FOXK2: variants seen among roughly 807,000 people sequenced by gnomAD.
FOXK2 encodes forkhead box K2.
A neutral mutation model predicts 53.3 loss-of-function variants in FOXK2; 24 were observed. That is an observed-to-expected ratio of 0.45 (90% CI 0.33 to 0.63). The LOEUF (loss-of-function observed/expected upper bound fraction) is 0.63, where lower values mean the gene tolerates loss of function less well. Ranked by LOEUF, FOXK2 falls within the 30% of genes least tolerant of loss-of-function variation. The pLI, the probability that FOXK2 is intolerant of heterozygous loss-of-function variation, is 0.03. For synonymous variants in FOXK2, 505 were observed against 407.1 expected (o/e 1.24, Z -2.89); for missense variants, 952 against 910.5 (o/e 1.05, Z -0.59).
rs368914413 is a variant in FOXK2, at chr17:82,596,859, G to C, written c.1787-4444G>C. On this transcript the variant is annotated intron_variant, in intron 8 of 8. Coordinates refer to ENST00000335255, the MANE Select transcript of FOXK2 (RefSeq NM_004514.4). The stretch of plus-strand genomic sequence containing the variant: ...CCTCCCCATCTTCTCACCTACTTCA[G>C]GTTCCATTTCATGGTAGGAAATTCC... Among the ~76,000 whole-genome samples, 8 of 152,302 alleles carry C rather than the reference G, an allele frequency of 5.3e-5. No homozygotes were observed. The East Asian group carries it at 1.2e-3, about 22-fold the overall frequency.
At chr17:82,563,259 T>C (rs4789796) in intron 1 of FOXK2, 95 bp from the exon 2 acceptor site, 537,524 of 1,194,774 alleles carry the variant, frequency 0.45, 121,323 homozygotes, top group South Asian at 0.55. Flanking sequence ...GCATCCATGT[T>C]CTCAGCTGCT....
At chr17:82,574,039 C>T (rs192232192) in intron 4 of FOXK2, among the ~76,000 whole-genome samples, 4 of 152,372 alleles carry the variant, frequency 2.6e-5, no homozygotes, top group South Asian at 2.1e-4. Flanking sequence ...CATGCATGCC[C>T]TGCTTTCTGT....
chr17:82,584,509 A>T (rs2045108049), intron 6 of FOXK2, among the ~76,000 whole-genome samples: 1 of 135,944 alleles, frequency 7.4e-6, no homozygotes, highest in Non-Finnish European at 1.6e-5. Context: ...ACAAAAACCC[A>T]TGAAGTAGAC....
chr17:82,595,235 T>C (rs1420756482), intron 8 of FOXK2, among the ~76,000 whole-genome samples: 1 of 152,224 alleles, frequency 6.6e-6, no homozygotes, highest in Non-Finnish European at 1.5e-5. Flanking sequence ...TAGGTCGTCC[T>C]TTCCTTGTGA....
In FOXK2 at chr17:82,585,948, C is replaced by A. The variant is rs761005666; in HGVS notation, c.1324C>A (p.Gln442Lys). 6.2e-7 allele frequency: 1 copy of A among 1,612,722 alleles called. No individual in the cohort carries two copies. Among genetic ancestry groups the A allele is most frequent in the South Asian group, 1.1e-5 (1 of 91,088 alleles). The stretch of plus-strand genomic sequence containing the variant: ...GCCAGTCTTAATCACCGTCCAGCGG[C>A]AGCTACCACAGGCCATCAAGCCTGT... ...SQPVLITVQR[Q>K]LPQAIKPVTY... The change falls in exon 7 of 9, where the codon CAG (glutamine) becomes AAG (lysine). Residue 442 changes from glutamine (Q) to lysine (K), a missense_variant. Physicochemically the swap from Gln to Lys is moderately conservative, Grantham distance 53. This residue lies in a region of FOXK2 where 551 missense variants were observed against 385.1 expected (regional missense o/e 1.43). Transcript: ENST00000335255.
In FOXK2 at chr17:82,595,802, C is replaced by G. The variant is rs995684676; in HGVS notation, c.1787-5501C>G. On this transcript the variant is annotated intron_variant, in intron 8 of 8. Transcript: ENST00000335255. ...CCCAGGGCCCCTTGGCCTCAGAAGG[C>G]CCCCATGTGCCAGCTCAGACTGGAG... 4 of 1,289,504 alleles carry G rather than the reference C, an allele frequency of 3.1e-6. No homozygotes were observed. In the African/African-American group the frequency reaches 6.1e-5, roughly 20 times the overall value. The allele number at this position is 1,289,504 out of a possible 1,614,324, so 79.9% of individuals were successfully genotyped here. A position where few individuals can be genotyped will look rare whatever the true frequency, so the allele number is the denominator to read the frequency against.
chr17:82,595,547 C>T (rs1332122340), intron 8 of FOXK2, among the ~76,000 whole-genome samples: 2 of 152,188 alleles, frequency 1.3e-5, no homozygotes, highest in East Asian at 1.9e-4. Context: ...AAGTGATTCT[C>T]TCGCCTCTGC....
intron 1 of FOXK2, among the ~76,000 whole-genome samples, chr17:82,558,864 A>T (rs2044760689): frequency 6.6e-6 from 1 of 151,642 alleles, no homozygotes; most frequent in Non-Finnish European, 1.5e-5. Context: ...CTCCTGCCTC[A>T]GCCTCCCGAG....
intron 1 of FOXK2, 62 bp from the exon 2 acceptor site, chr17:82,563,292 G>A: frequency 6.6e-7 from 1 of 1,514,778 alleles, no homozygotes; most frequent in Non-Finnish European, 9.0e-7. Flanking sequence ...GGACATGTGG[G>A]GACTCTGCCC....
At chr17:82,530,714 G>A (rs533272081) in intron 1 of FOXK2, among the ~76,000 whole-genome samples, 127 of 151,980 alleles carry the variant, frequency 8.4e-4, no homozygotes, top group African/African-American at 3.0e-3. Context: ...TTCACCATGT[G>A]GGCCAGGCTG....
intron 8 of FOXK2, among the ~76,000 whole-genome samples, chr17:82,595,161 G>T (rs929700546): frequency 3.3e-5 from 5 of 152,210 alleles, no homozygotes; most frequent in Non-Finnish European, 7.3e-5. Flanking sequence ...TTGGTGTGCC[G>T]TGGGGCAGGG....
At chr17:82,591,787 C>G (rs1227311747) in intron 8 of FOXK2, among the ~76,000 whole-genome samples, 1 of 152,240 alleles carries the variant, frequency 6.6e-6, no homozygotes, top group Non-Finnish European at 1.5e-5. Context: ...GTGCCGCCGT[C>G]CACACCACAG....
At chr17:82,594,943 G>A (rs1439396393) in intron 8 of FOXK2, among the ~76,000 whole-genome samples, 1 of 152,166 alleles carries the variant, frequency 6.6e-6, no homozygotes, top group Non-Finnish European at 1.5e-5. Flanking sequence ...AAGAGGCTAA[G>A]GCAGGGAGAT....
At chr17:82,547,097 G>GAGAA (rs948877063) in intron 1 of FOXK2, among the ~76,000 whole-genome samples, 24 of 151,202 alleles carry the variant, frequency 1.6e-4, no homozygotes, top group Non-Finnish European at 2.9e-4. Flanking sequence ...AAAAAGGAAG[G>GAGAA]AGAAAGAAAG....
chr17:82,597,557 C>T (rs541284938), intron 8 of FOXK2, among the ~76,000 whole-genome samples: 70 of 152,334 alleles, frequency 4.6e-4, no homozygotes, highest in Non-Finnish European at 5.7e-4. Context: ...TACAGGGCTC[C>T]ATGTGGGGTC....
chr17:82,581,866 G>A (rs1032839128), intron 4 of FOXK2, among the ~76,000 whole-genome samples: 1 of 152,104 alleles, frequency 6.6e-6, no homozygotes, highest in East Asian at 1.9e-4. Context: ...GCGCCCGTCT[G>A]GCTTTTTGTA....
At chr17:82,560,786 C>T (rs2044785153) in intron 1 of FOXK2, among the ~76,000 whole-genome samples, 1 of 151,958 alleles carries the variant, frequency 6.6e-6, no homozygotes, top group Admixed American at 6.6e-5. Flanking sequence ...TCACTTGAGC[C>T]CAGGAGTTTG....
In FOXK2 at chr17:82,530,682, G is replaced by A. The variant is rs141384741; in HGVS notation, c.419+10375G>A. Among the ~76,000 whole-genome samples the A allele has an allele frequency of 3.9e-3, 588 of 152,002 alleles. 6 individuals are homozygous for A. Among genetic ancestry groups the A allele is most frequent in the African/African-American group, 0.013 (541 of 41,500 alleles). On this transcript the variant is annotated intron_variant, in intron 1 of 8. Transcript: ENST00000335255. ...CCACCACCACGCTCTGCTAATTTTT[G>A]TATTTTTAGTAGAGACGGGGTTTCA...
chr17:82,527,186 C>T, intron 1 of FOXK2, among the ~76,000 whole-genome samples: 1 of 152,108 alleles, frequency 6.6e-6, no homozygotes, highest in Non-Finnish European at 1.5e-5. Flanking sequence ...GTTCAGTGTA[C>T]AAATCAGTTG....
Sources: gnomAD v4.1 joint callset for allele counts (sites outside exome capture counted in the v4.1 genomes callset) on GRCh38, gnomAD v4.1.1 for gene constraint, gnomAD v4.1.1 regional missense constraint, MANE v1.5 for transcripts, NCBI Gene and HGNC (gene_info 2026-07-23, HGNC 2026-07-21) for gene names.